Variants in ERMP1 observed in about 807,000 individuals in gnomAD.
The protein encoded by ERMP1 is Felix-ina.
A neutral mutation model predicts 92.0 loss-of-function variants in ERMP1; 86 were observed. The ratio of observed to expected loss-of-function variants is 0.93; its 90% CI spans 0.79 to 1.12. The LOEUF (loss-of-function observed/expected upper bound fraction) is 1.12. Among genes scored for constraint, ERMP1 ranks in the 50% most tolerant of loss-of-function variants. ERMP1 has a pLI of 0.00. For missense variants in ERMP1, 1,342 were observed against 1,116.3 expected (o/e 1.20, Z -2.88); for synonymous variants, 530 against 412.8 (o/e 1.28, Z -3.44).
upstream of ERMP1, among the ~76,000 whole-genome samples, chr9:5,835,981 T>G (rs968026223): frequency 6.6e-6 from 1 of 152,190 alleles, no homozygotes; most frequent in African/African-American, 2.4e-5. Context: ...TGTGAAAGGT[T>G]GTGGCTGCCC....
At chr9:5,866,121 C>G (rs1263950576) in intron 5 of ERMP1, among the ~76,000 whole-genome samples, 1 of 152,052 alleles carries the variant, frequency 6.6e-6, no homozygotes, top group Non-Finnish European at 1.5e-5. Context: ...AGATTTTAAA[C>G]ACGTAGGTGT....
upstream of ERMP1, among the ~76,000 whole-genome samples, chr9:5,834,605 C>A (rs1457853578): frequency 6.6e-6 from 1 of 152,082 alleles, no homozygotes; most frequent in Non-Finnish European, 1.5e-5. Flanking sequence ...CACTATGAGA[C>A]TAAAGACAGT....
At chr9:5,835,949 A>G (rs552027701), upstream of ERMP1, among the ~76,000 whole-genome samples, 1 of 152,338 alleles carries the variant, frequency 6.6e-6, no homozygotes, top group South Asian at 2.1e-4. Flanking sequence ...CAAATCCCTG[A>G]TAAGGATGAG....
chr9:5,852,336 C>A (rs574323594), intron 6 of ERMP1, among the ~76,000 whole-genome samples: 1 of 151,574 alleles, frequency 6.6e-6, no homozygotes, highest in Admixed American at 6.6e-5. Flanking sequence ...GATCAAGGCT[C>A]ACTGCAGCCT....
intron 5 of ERMP1, among the ~76,000 whole-genome samples, chr9:5,866,614 C>T (rs1053716094): frequency 1.3e-5 from 2 of 152,154 alleles, no homozygotes; most frequent in African/African-American, 4.8e-5. Flanking sequence ...TTTCATAGAA[C>T]TGGAGGCATG....
intron 6 of ERMP1, among the ~76,000 whole-genome samples, chr9:5,856,700 A>C (rs1830377644): frequency 6.6e-6 from 1 of 152,222 alleles, no homozygotes; most frequent in African/African-American, 2.4e-5. Context: ...TAAAGGAAAT[A>C]CAGGGTCAGG....
intron 13 of ERMP1, among the ~76,000 whole-genome samples, chr9:5,796,419 T>C (rs1475237012): frequency 6.6e-6 from 1 of 152,202 alleles, no homozygotes; most frequent in Non-Finnish European, 1.5e-5. Context: ...CCATATATAA[T>C]ATCCAGCAAT....
intron 6 of ERMP1, among the ~76,000 whole-genome samples, chr9:5,850,488 T>C (rs1355840821): frequency 2.7e-5 from 4 of 147,354 alleles, no homozygotes; most frequent in Non-Finnish European, 6.0e-5. Flanking sequence ...GTTGGGGGAA[T>C]TGGGAGGGAG....
In ERMP1 at chr9:5,799,022, A is replaced by G; in HGVS notation, c.2068-14T>C. On this transcript the variant is annotated splice_polypyrimidine_tract_variant and intron_variant, in intron 11 of 14. Transcript: ENST00000339450. ...TCTAGTCATATGCTGAAAAAAAAAG[A>G]CTAGTGAAAAAACTGTTTCAACTAG... 1 of 1,601,678 alleles carries G rather than the reference A, an allele frequency of 6.2e-7. No homozygotes were observed. Among genetic ancestry groups the G allele is most frequent in the Non-Finnish European group, 8.6e-7 (1 of 1,169,478 alleles).
At chr9:5,829,565 C>T (rs1403003625) in intron 2 of ERMP1, among the ~76,000 whole-genome samples, 1 of 152,180 alleles carries the variant, frequency 6.6e-6, no homozygotes. Context: ...ATCCTCCAAG[C>T]AACACTATTA....
upstream of ERMP1, among the ~76,000 whole-genome samples, chr9:5,833,431 G>C (rs1016504050): frequency 1.3e-5 from 2 of 152,218 alleles, no homozygotes; most frequent in Non-Finnish European, 2.9e-5. Context: ...AGGAATATTA[G>C]AACATCAGGC....
intron 2 of ERMP1, among the ~76,000 whole-genome samples, chr9:5,829,449 A>G (rs560378300): frequency 2.6e-5 from 4 of 152,304 alleles, no homozygotes; most frequent in South Asian, 4.1e-4. Flanking sequence ...TTGGCCTGCT[A>G]TAAGTTCGAG....
At chr9:5,823,426 C>T (rs1476215245) in intron 4 of ERMP1, among the ~76,000 whole-genome samples, 1 of 152,094 alleles carries the variant, frequency 6.6e-6, no homozygotes, top group Non-Finnish European at 1.5e-5. Flanking sequence ...TGACATTTAA[C>T]AATATTTATA....
chr9:5,821,518 C>T (rs781025846), intron 4 of ERMP1, among the ~76,000 whole-genome samples: 1 of 152,158 alleles, frequency 6.6e-6, no homozygotes, highest in Non-Finnish European at 1.5e-5. Context: ...AAAATGAGTA[C>T]TTAATAAATG....
chr9:5,824,366 G>A (rs1829655721), intron 3 of ERMP1, among the ~76,000 whole-genome samples: 2 of 152,154 alleles, frequency 1.3e-5, no homozygotes, highest in African/African-American at 4.8e-5. Context: ...CCGAGCTCAG[G>A]AGTTCGAGAC....
At chr9:5,833,176 G>A (rs902312088), upstream of ERMP1, 9 of 713,452 alleles carry the variant, frequency 1.3e-5, no homozygotes, top group African/African-American at 1.7e-4. Flanking sequence ...GTCCCGCCGC[G>A]CCAAGACCCA....
intron 12 of ERMP1, 45 bp from the exon 13 acceptor site, chr9:5,797,977 A>G (rs1272674604): frequency 1.7e-6 from 2 of 1,175,624 alleles, no homozygotes; most frequent in Non-Finnish European, 1.3e-6. Context: ...TTATTATTTG[A>G]TGGCTATCTG....
rs1828167901 is a variant in ERMP1 at position 5,790,974 on chromosome 9, T to G, written c.2387-3381A>C. On this transcript the variant is annotated intron_variant, in intron 13 of 14. Transcript: ENST00000339450. The stretch of plus-strand genomic sequence containing the variant: ...TGTAAGATCTTTACATTTCATTGTA[T>G]GTAAATTAGGCCTTGAAAAAAATAA... Among the ~76,000 whole-genome samples, 4 of 152,216 alleles carry G rather than the reference T, an allele frequency of 2.6e-5. No homozygotes were observed. In the South Asian group the frequency reaches 8.3e-4, roughly 31 times the overall value.
Position 5,811,148 on chromosome 9 carries a change from C to G in ERMP1, c.1290G>C (p.Leu430Phe), listed in dbSNP as rs1563759234. The change falls in exon 7 of 15, where the codon TTG becomes TTC. Residue 430 changes from leucine to phenylalanine, a missense_variant. Transcript: ENST00000339450. Reference sequence around the variant, plus strand: ...GCTGCAAAAATTTTTTGCCCAGGTACAAAACAACACCCATTACCACCATGT... The same window carrying G: ...GCTGCAAAAATTTTTTGCCCAGGTAGAAAACAACACCCATTACCACCATGT... ...INYMVVMGVV[L>F]YLGKKFLQPK... 3 of 1,613,712 alleles carry G rather than the reference C, an allele frequency of 1.9e-6. No homozygotes were observed. The highest frequency in any genetic ancestry group is 2.5e-6 in the Non-Finnish European group (3 of 1,179,872).
Sources: allele counts gnomAD v4.1 joint callset (sites outside exome capture counted in the v4.1 genomes callset), GRCh38; gene constraint gnomAD v4.1.1; transcripts MANE v1.5; gene names NCBI Gene and HGNC (gene_info 2026-07-23, HGNC 2026-07-21).